Variants in TSPEAR observed in about 807,000 individuals in gnomAD.
The protein encoded by TSPEAR is thrombospondin-type laminin G domain and EAR repeat-containing protein.
Under a neutral mutation model 71.6 loss-of-function variants are expected in TSPEAR, and 69 were observed. The ratio of observed to expected loss-of-function variants is 0.96; its 90% CI spans 0.79 to 1.18. TSPEAR has a LOEUF of 1.18. Ranked by LOEUF, TSPEAR falls within the 50% of genes most tolerant of loss-of-function variation. TSPEAR has a pLI of 0.00. For synonymous variants in TSPEAR, 402 were observed against 387.2 expected, an observed-to-expected ratio of 1.04 and a Z score of -0.45; for missense variants, 971 against 894.9, an observed-to-expected ratio of 1.09 and a Z score of -1.09.
At chr21:44,669,840 C>T (rs587602290) in intron 1 of TSPEAR, among the ~76,000 whole-genome samples, 11 of 152,318 alleles carry the variant, frequency 7.2e-5, no homozygotes, top group African/African-American at 2.4e-4. Flanking sequence ...AATAGGTTTG[C>T]AAATGTTTAT....
chr21:44,644,132 G>C (rs1452019388), intron 1 of TSPEAR, among the ~76,000 whole-genome samples: 1 of 152,156 alleles, frequency 6.6e-6, no homozygotes, highest in African/African-American at 2.4e-5. Flanking sequence ...CAGAGTGTCT[G>C]CTTGATTTAA....
intron 1 of TSPEAR, among the ~76,000 whole-genome samples, chr21:44,673,333 C>A (rs782311698): frequency 5.3e-5 from 8 of 152,190 alleles, no homozygotes; most frequent in Admixed American, 3.9e-4. Context: ...GAAATAAAAT[C>A]TTTCATGGAC....
chr21:44,707,681 T>C (rs1384563241), intron 1 of TSPEAR, among the ~76,000 whole-genome samples: 2 of 152,098 alleles, frequency 1.3e-5, no homozygotes, highest in Non-Finnish European at 2.9e-5. Context: ...AGTCCCAGAG[T>C]GACCGCCTGG....
intron 2 of TSPEAR, among the ~76,000 whole-genome samples, chr21:44,538,098 C>T (rs782332320): frequency 2.6e-5 from 4 of 152,188 alleles, no homozygotes; most frequent in Non-Finnish European, 4.4e-5. Flanking sequence ...CAGGCTGCGG[C>T]CGGCCTGGCT....
chr21:44,634,616 G>T (rs1478187033), intron 1 of TSPEAR, among the ~76,000 whole-genome samples: 8 of 152,126 alleles, frequency 5.3e-5, no homozygotes, highest in African/African-American at 1.7e-4. Flanking sequence ...AATATATAAA[G>T]AACTCTTATA....
chr21:44,647,071 G>A lies in TSPEAR; in HGVS notation c.82+64362C>T, dbSNP rs782492646. 5.6e-6 allele frequency: 9 copies of A among 1,613,668 alleles called. No individual in the cohort carries two copies. The highest frequency in any genetic ancestry group is 7.6e-6 in the Non-Finnish European group (9 of 1,179,874). On this transcript the variant is annotated intron_variant, in intron 1 of 11. Coordinates refer to ENST00000323084, the MANE Select transcript of TSPEAR (RefSeq NM_144991.3). ...TGTCTACTGCAAGCCCATCTGCTGT[G>A]TGCCTGTCTGCTCTAGGGCTTCCTC...
At chr21:44,654,592 G>A (rs781951750) in intron 1 of TSPEAR, 23 of 1,587,412 alleles carry the variant, frequency 1.4e-5, no homozygotes, top group East Asian at 1.1e-4. Context: ...TGGGCAGCCC[G>A]AAGAGTGGCT....
chr21:44,707,409 G>C (rs1482997298), intron 1 of TSPEAR, among the ~76,000 whole-genome samples: 2 of 152,210 alleles, frequency 1.3e-5, no homozygotes, highest in Non-Finnish European at 2.9e-5. Context: ...GGGCAGAGGA[G>C]GGGCGTTCAG....
At chr21:44,636,225 C>A (rs769609095) in intron 1 of TSPEAR, among the ~76,000 whole-genome samples, 131 of 152,330 alleles carry the variant, frequency 8.6e-4, no homozygotes, top group Non-Finnish European at 1.2e-3. Flanking sequence ...CTCCAGCACC[C>A]AACCCTGCCG....
At position 44,627,404 on chromosome 21, in the gene TSPEAR, C is replaced by T. The variant is rs587636089; in HGVS notation, c.83-59399G>A. 263 of 1,613,812 alleles carry T rather than the reference C, an allele frequency of 1.6e-4. 1 individual carries two copies. The Admixed American group carries it at 2.0e-3, about 12-fold the overall frequency. ...GGCTGCACCAGCTCCTGCACGCCCT[C>T]GTGCTGCCAGCAGTCTAGCTGCCAG... On this transcript the variant is annotated intron_variant, in intron 1 of 11. Coordinates refer to ENST00000323084, the MANE Select transcript of TSPEAR (RefSeq NM_144991.3).
At chr21:44,536,809 G>A (rs147445954) in intron 2 of TSPEAR, among the ~76,000 whole-genome samples, 66 of 152,216 alleles carry the variant, frequency 4.3e-4, no homozygotes, top group African/African-American at 1.5e-3. Flanking sequence ...ATGACAAACT[G>A]TAAGAACTAA....
At chr21:44,609,904 A>G (rs1434998306) in intron 1 of TSPEAR, among the ~76,000 whole-genome samples, 4 of 152,188 alleles carry the variant, frequency 2.6e-5, no homozygotes, top group African/African-American at 9.7e-5. Flanking sequence ...CTGGTGATAA[A>G]CTAGAGAAAG....
chr21:44,680,902 A>C (rs2329892), intron 1 of TSPEAR, among the ~76,000 whole-genome samples: 1 of 151,970 alleles, frequency 6.6e-6, no homozygotes, highest in Non-Finnish European at 1.5e-5. Context: ...TAATGGGTAC[A>C]AACATACAGT....
rs933521108 is a variant in TSPEAR at position 44,710,496 on chromosome 21, G to A, written c.82+937C>T. Among the ~76,000 whole-genome samples, 1 of 151,334 alleles carries A rather than the reference G, an allele frequency of 6.6e-6. No individual in the cohort carries two copies. The highest frequency in any genetic ancestry group is 6.6e-5 in the Admixed American group (1 of 15,174). On this transcript the variant is annotated intron_variant, in intron 1 of 11. Coordinates refer to ENST00000323084, the MANE Select transcript of TSPEAR (RefSeq NM_144991.3). This position sits in a 1 kb window ranked among gnomAD's most constrained non-coding sequence, Gnocchi z 4.6. ...GTGCTCATCCCCTGGTCATGTCATC[G>A]GGATCTGAGTGCCATCCGAGCAGAG... is the stretch of plus-strand genomic sequence containing the variant.
At chr21:44,646,926 CTG>C (rs1984441890) in intron 1 of TSPEAR, 1 of 1,613,684 alleles carries the variant, frequency 6.2e-7, no homozygotes, top group Non-Finnish European at 8.5e-7. Flanking sequence ...AGCCTGTGTG[CTG>C]TGTGTCCACC....
intron 11 of TSPEAR, 94 bp from the exon 12 acceptor site, chr21:44,500,030 C>T: frequency 7.5e-7 from 1 of 1,327,404 alleles, no homozygotes; most frequent in Non-Finnish European, 1.0e-6. Flanking sequence ...GACCCAGCAG[C>T]TCTGGGTCAC....
rs373472330 is a variant in TSPEAR at position 44,558,229 on chromosome 21, G to A, written c.303+9556C>T. The A allele has an allele frequency of 1.9e-5, 30 of 1,613,156 alleles. No individual in the cohort carries two copies. Among genetic ancestry groups the A allele is most frequent in the Middle Eastern group, 3.3e-4 (2 of 6,054 alleles). On this transcript the variant is annotated intron_variant, in intron 2 of 11. Transcript: ENST00000323084. The stretch of plus-strand genomic sequence containing the variant: ...CAGCAGGTGGACCTGCACACGGGGC[G>A]GCAGAGGAGGGACACGGAGGAGGAG...
At chr21:44,661,313 C>A (rs1018229909) in intron 1 of TSPEAR, among the ~76,000 whole-genome samples, 104 of 140,736 alleles carry the variant, frequency 7.4e-4, no homozygotes, top group African/African-American at 1.8e-3. Context: ...AGCATTATAA[C>A]TAATTGACTG....
At chr21:44,531,214 C>T (rs2052963944) in intron 3 of TSPEAR, 81 bp from the exon 4 acceptor site, 5 of 1,115,122 alleles carry the variant, frequency 4.5e-6, no homozygotes, top group Non-Finnish European at 6.6e-6. Context: ...GGAACAAGCC[C>T]CTCACTAAGC....
Sources: gnomAD v4.1 joint callset for allele counts (sites outside exome capture counted in the v4.1 genomes callset) on GRCh38, gnomAD v4.1.1 for gene constraint, Gnocchi (gnomAD v3.1) non-coding constraint, MANE v1.5 for transcripts, NCBI Gene and HGNC (gene_info 2026-07-23, HGNC 2026-07-21) for gene names.